The following LDLRAP1 variants were observed in gnomAD, a reference collection of about 807,000 sequenced individuals.
LDLRAP1 encodes the protein low density lipoprotein receptor adaptor protein 1, also known as low density lipoprotein receptor adapter protein 1.
A neutral mutation model predicts 37.8 loss-of-function variants in LDLRAP1; 30 were observed. That is an observed-to-expected ratio of 0.79 (90% CI 0.59 to 1.08). The LOEUF is 1.08. Ranked by LOEUF, LDLRAP1 falls within the 50% of genes least tolerant of loss-of-function variation. The pLI is 0.00. For synonymous variants in LDLRAP1, 156 were observed against 169.8 expected (o/e 0.92, Z 0.63); for missense variants, 375 against 401.6 (o/e 0.93, Z 0.57).
chr1:25,582,419 T>C, the LDLRAP1 span, among the ~76,000 whole-genome samples: 1 of 151,836 alleles, frequency 6.6e-6, no homozygotes, highest in Non-Finnish European at 1.5e-5. Flanking sequence ...ACCCCGTCTC[T>C]ACTAAAAATA....
At chr1:25,565,327 G>A (rs1309915004) in intron 8 of LDLRAP1, 120 bp downstream of exon 8, 2 of 1,095,442 alleles carry the variant, frequency 1.8e-6, no homozygotes, top group South Asian at 1.3e-5. Flanking sequence ...CCCCTCCAGA[G>A]CAACAGTCCC....
intron 1 of LDLRAP1, among the ~76,000 whole-genome samples, chr1:25,549,530 G>A (rs2044019854): frequency 6.6e-6 from 1 of 152,234 alleles, no homozygotes; most frequent in Non-Finnish European, 1.5e-5. Context: ...CCTTAGACCA[G>A]GCATATGGTC....
intron 7 of LDLRAP1, chr1:25,564,582 C>T (rs150509265): frequency 6.4e-6 from 1 of 155,148 alleles, no homozygotes; most frequent in East Asian, 1.9e-4. Flanking sequence ...GGGGGCTCCC[C>T]TGGTGTCCCT....
chr1:25,558,775 C>A (rs1218107376), intron 4 of LDLRAP1, among the ~76,000 whole-genome samples: 1 of 152,218 alleles, frequency 6.6e-6, no homozygotes, highest in African/African-American at 2.4e-5. Context: ...ATCCTTAACT[C>A]ACTTCTGTAA....
downstream of LDLRAP1, chr1:25,568,895 C>T (rs550882083): frequency 6.6e-6 from 1 of 152,286 alleles, no homozygotes; most frequent in South Asian, 2.1e-4. Flanking sequence ...AAGCAACGCT[C>T]ATCAGGTGGA....
At chr1:25,580,479 C>T in the LDLRAP1 span, among the ~76,000 whole-genome samples, 1 of 152,212 alleles carries the variant, frequency 6.6e-6, no homozygotes, top group African/African-American at 2.4e-5. Context: ...ACTGTGCTAA[C>T]ATTTTGGCTT....
chr1:25,586,545 CAT>C, the LDLRAP1 span, among the ~76,000 whole-genome samples: 168 of 151,150 alleles, frequency 1.1e-3, no homozygotes, highest in African/African-American at 3.8e-3. This position sits in a 1 kb window ranked among gnomAD's most constrained non-coding sequence, Gnocchi z 4.3. Flanking sequence ...CGTATGTGTG[CAT>C]GTGTGTGTGT....
intron 1 of LDLRAP1, among the ~76,000 whole-genome samples, chr1:25,547,529 G>A (rs971210425): frequency 7.2e-6 from 1 of 139,634 alleles, no homozygotes; most frequent in African/African-American, 2.8e-5. Flanking sequence ...AATAAATAAA[G>A]CAAATTACCA....
the LDLRAP1 span, chr1:25,581,395 G>A: frequency 6.6e-6 from 1 of 152,196 alleles, no homozygotes; most frequent in Non-Finnish European, 1.5e-5. Flanking sequence ...TGATGGTTCA[G>A]GTCTCCCCCA....
rs544546165 is a variant in LDLRAP1 at position 25,543,617 on chromosome 1, C to T, written c.-82C>T. On this transcript the variant is annotated 5_prime_UTR_variant, in exon 1 of 9. Coordinates refer to ENST00000374338, the MANE Select transcript of LDLRAP1 (RefSeq NM_015627.3). ...GCGCTGGGAGGGGAGGAGCGCGCAGCCCGCGCGCCGCAGGGCCGGGCGGAA... is the reference window on the plus strand; with the variant it reads ...GCGCTGGGAGGGGAGGAGCGCGCAGTCCGCGCGCCGCAGGGCCGGGCGGAA... 22 of 1,004,024 alleles carry T rather than the reference C, an allele frequency of 2.2e-5. No individual in the cohort carries two copies. The Admixed American group carries it at 3.2e-4, about 14-fold the overall frequency. 62.2% of individuals were successfully genotyped at this position (1,004,024 alleles called of 1,614,324 possible).
At chr1:25,582,526 A>G in the LDLRAP1 span, among the ~76,000 whole-genome samples, 1 of 151,706 alleles carries the variant, frequency 6.6e-6, no homozygotes, top group Non-Finnish European at 1.5e-5. Context: ...TGGAGGTTGC[A>G]GTGATCCGAG....
At chr1:25,570,655 C>G (rs949357096), downstream of LDLRAP1, among the ~76,000 whole-genome samples, 1 of 152,038 alleles carries the variant, frequency 6.6e-6, no homozygotes, top group Non-Finnish European at 1.5e-5. Flanking sequence ...GTCAGGAGAT[C>G]GAGACCATCC....
Position 25,553,921 on chromosome 1 carries a change from G to C in LDLRAP1, c.89-1G>C, listed in dbSNP as rs755104973. 2 of 1,613,616 alleles carry C rather than the reference G, an allele frequency of 1.2e-6. No homozygotes were observed. Among genetic ancestry groups the C allele is most frequent in the Non-Finnish European group, 1.7e-6 (2 of 1,179,932 alleles). On this transcript the variant is annotated splice_acceptor_variant, in intron 1 of 8. Transcript: ENST00000374338. LOFTEE classifies it high-confidence loss of function. ...TGAGGGCCTACCCTGTGCTACCCCA[G>C]AGCTGCCTGAGAACTGGACAGACAC...
intron 4 of LDLRAP1, 162 bp downstream of exon 4, chr1:25,557,429 G>A: frequency 4.7e-6 from 3 of 632,810 alleles, no homozygotes; most frequent in South Asian, 1.9e-5. Flanking sequence ...GAGCTAAGGG[G>A]TACAGTGGTG....
At position 25,555,057 on chromosome 1, in the gene LDLRAP1, T is replaced by G. The variant is rs2044168444; in HGVS notation, c.344+85T>G. The G allele has an allele frequency of 1.0e-6, 1 of 968,288 alleles. No homozygotes were observed. The highest frequency in any genetic ancestry group is 1.7e-6 in the Non-Finnish European group (1 of 604,588). 60.0% of individuals were successfully genotyped at this position (968,288 alleles called of 1,614,324 possible). Reference sequence around the variant, plus strand: ...CCCATCTGAATCCAGGCTCTACCACTTCCTACCTGGGTGACATTGGAGCCT... The same window carrying G: ...CCCATCTGAATCCAGGCTCTACCACGTCCTACCTGGGTGACATTGGAGCCT... On this transcript the variant is annotated intron_variant, in intron 3 of 8. Transcript: ENST00000374338. The surrounding 1 kb of genome is among the most constrained non-coding windows in gnomAD (Gnocchi z 4.7).
In LDLRAP1 at chr1:25,567,056, G is replaced by C. The variant is rs2044504146; in HGVS notation, c.*64G>C. The C allele has an allele frequency of 6.2e-7, 1 of 1,605,360 alleles. No homozygotes were observed. The highest frequency in any genetic ancestry group is 1.7e-5 in the Admixed American group (1 of 59,788). Reference sequence around the variant, plus strand: ...TGATGGACCAAAGCCACCTGCTGCGGGGGAGCCAGTTCTGGGGCCCGCCTG... The same window carrying C: ...TGATGGACCAAAGCCACCTGCTGCGCGGGAGCCAGTTCTGGGGCCCGCCTG... On this transcript the variant is annotated 3_prime_UTR_variant, in exon 9 of 9. Transcript: ENST00000374338.
At chr1:25,573,827 C>T (rs58428620), downstream of LDLRAP1, among the ~76,000 whole-genome samples, 1 of 152,366 alleles carries the variant, frequency 6.6e-6, no homozygotes, top group East Asian at 1.9e-4. Context: ...CTGAGCCAGG[C>T]TCATTCATCC....
chr1:25,566,375 C>G (rs948898075), intron 8 of LDLRAP1, among the ~76,000 whole-genome samples: 2 of 152,200 alleles, frequency 1.3e-5, no homozygotes, highest in African/African-American at 4.8e-5. Flanking sequence ...GCCTAACATT[C>G]TCTTAAGGGA....
intron 1 of LDLRAP1, among the ~76,000 whole-genome samples, chr1:25,549,497 C>T (rs767427914): frequency 6.6e-5 from 10 of 152,358 alleles, no homozygotes; most frequent in South Asian, 4.1e-4. Flanking sequence ...GGAAAGAACA[C>T]GTGTTCACAG....
Sources: gnomAD v4.1 joint callset for allele counts (sites outside exome capture counted in the v4.1 genomes callset) on GRCh38, gnomAD v4.1.1 for gene constraint, Gnocchi (gnomAD v3.1) non-coding constraint, MANE v1.5 for transcripts, NCBI Gene and HGNC (gene_info 2026-07-23, HGNC 2026-07-21) for gene names.